The following LRRC4C variants were observed in gnomAD, a reference collection of about 807,000 sequenced individuals.
LRRC4C encodes leucine rich repeat containing 4C.
A neutral mutation model predicts 33.6 loss-of-function variants in LRRC4C; 5 were observed. The observed-to-expected ratio is 0.15, with a 90% CI of 0.08 to 0.31. The LOEUF (loss-of-function observed/expected upper bound fraction) is 0.31, where lower values mean the gene tolerates loss of function less well. LRRC4C is among the 10% of genes least tolerant of loss of function. The pLI is 1.00. For missense variants in LRRC4C, 560 were observed against 796.7 expected (o/e 0.70, Z 3.58); for synonymous variants, 329 against 302.0 (o/e 1.09, Z -0.93).
intron 6 of LRRC4C, among the ~76,000 whole-genome samples, chr11:40,126,968 A>AAT (rs1856285883): frequency 6.6e-6 from 1 of 151,886 alleles, no homozygotes; most frequent in African/African-American, 2.4e-5. Flanking sequence ...TCAAAAAAAA[A>AAT]AAATAAATAA....
chr11:40,263,693 C>T (rs868278246), intron 4 of LRRC4C, among the ~76,000 whole-genome samples: 1 of 152,210 alleles, frequency 6.6e-6, no homozygotes, highest in Non-Finnish European at 1.5e-5. Context: ...GGGTACTCAG[C>T]AGACACTTGA....
chr11:40,594,930 T>A (rs1014843369), intron 3 of LRRC4C, among the ~76,000 whole-genome samples: 24 of 152,270 alleles, frequency 1.6e-4, no homozygotes, highest in South Asian at 6.2e-4. Flanking sequence ...AAACACGCCA[T>A]ATGTACACAG....
intron 1 of LRRC4C, among the ~76,000 whole-genome samples, chr11:41,197,430 A>C (rs1946226744): frequency 6.6e-6 from 1 of 151,988 alleles, no homozygotes; most frequent in South Asian, 2.1e-4. Context: ...AATAACAAGA[A>C]AGGAAAATCT....
At chr11:40,331,223 T>C (rs1946348648) in intron 3 of LRRC4C, among the ~76,000 whole-genome samples, 1 of 152,008 alleles carries the variant, frequency 6.6e-6, no homozygotes, top group Non-Finnish European at 1.5e-5. Context: ...AGTATGGAGG[T>C]TTCTCCAAAA....
chr11:40,484,956 C>T (rs1287051044), intron 3 of LRRC4C, among the ~76,000 whole-genome samples: 2 of 152,040 alleles, frequency 1.3e-5, no homozygotes, highest in Non-Finnish European at 2.9e-5. Context: ...AGAGAAATGA[C>T]ATGCAAGTTT....
intron 3 of LRRC4C, among the ~76,000 whole-genome samples, chr11:40,531,257 T>A (rs566144635): frequency 7.6e-4 from 116 of 152,236 alleles, no homozygotes; most frequent in Non-Finnish European, 1.4e-3. Context: ...GTAGGCTATT[T>A]GTAGCCAAAG....
intron 1 of LRRC4C, among the ~76,000 whole-genome samples, chr11:40,944,243 A>T (rs138965015): frequency 6.6e-6 from 1 of 152,280 alleles, no homozygotes; most frequent in Non-Finnish European, 1.5e-5. Flanking sequence ...CAAGCTAAAA[A>T]CATTCACAGA....
At chr11:41,080,270 C>A (rs555340072) in intron 1 of LRRC4C, among the ~76,000 whole-genome samples, 2 of 151,276 alleles carry the variant, frequency 1.3e-5, no homozygotes, top group South Asian at 4.2e-4. Context: ...ATAGTGTTTG[C>A]ACTAATTACA....
At chr11:41,185,457 G>A (rs535824975) in intron 1 of LRRC4C, among the ~76,000 whole-genome samples, 1 of 152,288 alleles carries the variant, frequency 6.6e-6, no homozygotes, top group South Asian at 2.1e-4. Flanking sequence ...ATCTGTAGAA[G>A]CAAGTTAGGA....
intron 3 of LRRC4C, among the ~76,000 whole-genome samples, chr11:40,561,816 A>T (rs1957561832): frequency 2.0e-5 from 3 of 152,170 alleles, no homozygotes; most frequent in Non-Finnish European, 4.4e-5. Flanking sequence ...CAAATTATTG[A>T]TTGAAACTAA....
chr11:41,021,156 T>TGA (rs71060991), intron 1 of LRRC4C, among the ~76,000 whole-genome samples: 62 of 127,122 alleles, frequency 4.9e-4, no homozygotes, highest in African/African-American at 1.8e-3. Flanking sequence ...ATCGTGCATC[T>TGA]GAGAGAGAGA....
chr11:41,015,908 T>C (rs1007961349), intron 1 of LRRC4C, among the ~76,000 whole-genome samples: 1 of 151,972 alleles, frequency 6.6e-6, no homozygotes, highest in African/African-American at 2.4e-5. Flanking sequence ...GAGAATGGCG[T>C]GAACTCGGGA....
intron 3 of LRRC4C, among the ~76,000 whole-genome samples, chr11:40,524,359 A>G (rs763059278): frequency 6.6e-6 from 1 of 152,194 alleles, no homozygotes; most frequent in Non-Finnish European, 1.5e-5. Flanking sequence ...TGATGAAGTT[A>G]CTTTTCTACA....
At position 40,672,491 on chromosome 11, in the gene LRRC4C, T is replaced by C. The variant is rs539390786; in HGVS notation, c.-406-24213A>G. On this transcript the variant is annotated intron_variant, in intron 2 of 6. Transcript: ENST00000528697. ...TATACTTTACATATTTATTTTCCAA[T>C]TGAGTTCCCCATTAGAAGTGATATC... Among the ~76,000 whole-genome samples, 8 of 152,292 alleles carry C rather than the reference T, an allele frequency of 5.3e-5. No homozygotes were observed. In the South Asian group the frequency reaches 1.5e-3, roughly 28 times the overall value.
chr11:40,122,377 G>A (rs1855889384), intron 6 of LRRC4C, among the ~76,000 whole-genome samples: 1 of 152,044 alleles, frequency 6.6e-6, no homozygotes, highest in Admixed American at 6.6e-5. Context: ...AGCCCCGCAT[G>A]CATTAGCTAT....
intron 2 of LRRC4C, among the ~76,000 whole-genome samples, chr11:40,932,852 A>G (rs1247390463): frequency 6.6e-6 from 1 of 152,194 alleles, no homozygotes; most frequent in African/African-American, 2.4e-5. Context: ...CCTATTCAGG[A>G]CTAGATGCGG....
chr11:41,347,886 G>A (rs1353735178), intron 1 of LRRC4C, among the ~76,000 whole-genome samples: 1 of 152,108 alleles, frequency 6.6e-6, no homozygotes, highest in Non-Finnish European at 1.5e-5. Flanking sequence ...CCGAACCACC[G>A]GTACTAATTA....
intron 3 of LRRC4C, among the ~76,000 whole-genome samples, chr11:40,554,733 ATTCTTTTT>A (rs1957262539): frequency 8.8e-6 from 1 of 114,140 alleles, no homozygotes; most frequent in African/African-American, 3.4e-5. Context: ...ATGGGATTGC[ATTCTTTTT>A]TTTTTTTTTT....
Position 41,034,503 on chromosome 11 carries a change from A to AC in LRRC4C, c.-495-100781_-495-100780insG, listed in dbSNP as rs1856928131. 2.7e-5 allele frequency among the ~76,000 whole-genome samples: 4 copies of AC among 146,036 alleles called. No homozygotes were observed. The South Asian group carries it at 6.4e-4, about 23-fold the overall frequency. On this transcript the variant is annotated intron_variant, in intron 1 of 6. Transcript: ENST00000528697. ...TATATATATATACACATATATATAC[A>AC]AAATATATGTGTGTATATATATATT...
Sources: gnomAD v4.1 joint callset for allele counts (sites outside exome capture counted in the v4.1 genomes callset) on GRCh38, gnomAD v4.1.1 for gene constraint, MANE v1.5 for transcripts, NCBI Gene and HGNC (gene_info 2026-07-23, HGNC 2026-07-21) for gene names.